Variants in MIA2 observed in about 807,000 individuals in gnomAD.
MIA2 encodes melanoma inhibitory activity protein 2.
In MIA2, 127 loss-of-function variants were observed where a neutral mutation model predicts 167.8. That is an observed-to-expected ratio of 0.76 (90% CI 0.66 to 0.88). The LOEUF is 0.88. Among genes scored for constraint, MIA2 ranks in the 40% least tolerant of loss-of-function variants. MIA2 has a pLI of 0.00. For synonymous variants in MIA2, 552 were observed against 541.9 expected, an observed-to-expected ratio of 1.02 and a Z score of -0.26; for missense variants, 1,690 against 1,624.7, an observed-to-expected ratio of 1.04 and a Z score of -0.69.
intron 6 of MIA2, among the ~76,000 whole-genome samples, chr14:39,269,263 CTA>C (rs1335347248): frequency 4.0e-5 from 6 of 151,768 alleles, no homozygotes; most frequent in African/African-American, 7.3e-5. Flanking sequence ...GTTAAATTCA[CTA>C]TGTTATGCAA....
chr14:39,318,104 G>T, intron 22 of MIA2, 93 bp downstream of exon 22: 1 of 864,680 alleles, frequency 1.2e-6, no homozygotes, highest in South Asian at 1.6e-5. Flanking sequence ...AAAACTTGCA[G>T]TGAATCCAGC....
At chr14:39,269,787 C>G (rs1463831512) in intron 6 of MIA2, among the ~76,000 whole-genome samples, 3 of 152,182 alleles carry the variant, frequency 2.0e-5, no homozygotes. Flanking sequence ...TCCAAAAATG[C>G]TGGGATTACA....
intron 6 of MIA2, among the ~76,000 whole-genome samples, chr14:39,263,840 G>T (rs915420574): frequency 6.6e-6 from 1 of 151,872 alleles, no homozygotes; most frequent in Non-Finnish European, 1.5e-5. Context: ...CACCATGTTG[G>T]CCAGGCTGGT....
intron 6 of MIA2, among the ~76,000 whole-genome samples, chr14:39,257,208 G>A (rs2054857463): frequency 6.6e-6 from 1 of 152,156 alleles, no homozygotes; most frequent in Admixed American, 6.5e-5. Flanking sequence ...CAGTATTATT[G>A]TGTGGGAGTC....
In MIA2 at chr14:39,235,712, A is replaced by T. The variant is rs564274055; in HGVS notation, c.116-1210A>T. Among the ~76,000 whole-genome samples the T allele has an allele frequency of 2.8e-4, 42 of 152,182 alleles. 1 individual carries two copies. In the South Asian group the frequency reaches 8.5e-3, roughly 31 times the overall value. ...AGGATGGCTTAAACTTGGGAGGTGG[A>T]GGCTGCAGTCAGCTATCATTATGCC... On this transcript the variant is annotated intron_variant, in intron 1 of 28. Transcript: ENST00000640607.
rs1206450414 is a variant in MIA2, at chr14:39,340,134, C to T, written c.3656-5770C>T. ...CTGGGATTACAGACGTGAGCCACCACGCCCTCCTTCGTACCCTTTTGAGCT... is the reference window on the plus strand; with the variant it reads ...CTGGGATTACAGACGTGAGCCACCATGCCCTCCTTCGTACCCTTTTGAGCT... On this transcript the variant is annotated intron_variant, in intron 25 of 28. Transcript: ENST00000640607. Among the ~76,000 whole-genome samples, 4 of 152,282 alleles carry T rather than the reference C, an allele frequency of 2.6e-5. No homozygotes were observed. The South Asian group carries it at 8.3e-4, about 32-fold the overall frequency.
intron 13 of MIA2, 89 bp from the exon 14 acceptor site, chr14:39,299,775 C>CT: frequency 7.2e-7 from 1 of 1,396,042 alleles, no homozygotes; most frequent in Non-Finnish European, 9.4e-7. Flanking sequence ...CCATGTTTTT[C>CT]TTTTTTAAGT....
intron 6 of MIA2, among the ~76,000 whole-genome samples, chr14:39,274,431 C>CT (rs547198743): frequency 0.015 from 2,019 of 136,894 alleles, 41 homozygotes; most frequent in African/African-American, 0.042. Context: ...TTCTTTTTTT[C>CT]TTTTTTTTTT....
intron 6 of MIA2, among the ~76,000 whole-genome samples, chr14:39,257,963 T>C (rs967612264): frequency 6.6e-6 from 1 of 152,260 alleles, no homozygotes; most frequent in African/African-American, 2.4e-5. Context: ...GCTGTTAGTC[T>C]GATGGGCTTC....
At chr14:39,347,274 A>G in intron 26 of MIA2, among the ~76,000 whole-genome samples, 1 of 152,170 alleles carries the variant, frequency 6.6e-6, no homozygotes, top group Non-Finnish European at 1.5e-5. Context: ...TCTTGATGAT[A>G]ACAAAGTTCG....
At chr14:39,358,939 G>T (rs1014850831) in intron 23 of MIA2, among the ~76,000 whole-genome samples, 8 of 152,156 alleles carry the variant, frequency 5.3e-5, no homozygotes, top group Admixed American at 3.9e-4. Flanking sequence ...GTACCTGGCC[G>T]TGTGAGGTGT....
At chr14:39,259,864 C>T (rs1027996960) in intron 6 of MIA2, among the ~76,000 whole-genome samples, 8 of 152,042 alleles carry the variant, frequency 5.3e-5, no homozygotes, top group African/African-American at 1.2e-4. Flanking sequence ...CCTATCCCCC[C>T]GCCAACATGA....
At chr14:39,259,915 G>A (rs974499771) in intron 6 of MIA2, among the ~76,000 whole-genome samples, 1 of 151,870 alleles carries the variant, frequency 6.6e-6, no homozygotes, top group Non-Finnish European at 1.5e-5. Context: ...GTGTCCAAGC[G>A]TTCTCATTGT....
At chr14:39,323,694 G>T (rs1253012272) in intron 24 of MIA2, among the ~76,000 whole-genome samples, 1 of 152,100 alleles carries the variant, frequency 6.6e-6, no homozygotes, top group Admixed American at 6.6e-5. Flanking sequence ...TGAAAAAACA[G>T]TGCCCTAGAA....
intron 4 of MIA2, among the ~76,000 whole-genome samples, chr14:39,250,885 C>G (rs994288004): frequency 6.6e-6 from 1 of 151,504 alleles, no homozygotes; most frequent in Non-Finnish European, 1.5e-5. Context: ...GAAAAAAAGA[C>G]GTCATTTATT....
At chr14:39,386,942 C>G (rs572785454) in exon 24 of MIA2, 233 of 776,980 alleles carry the variant, frequency 3.0e-4, no homozygotes, top group Non-Finnish European at 4.8e-4. Flanking sequence ...CTAGGAGGGC[C>G]CCAGAAATGA....
chr14:39,306,806 G>A (rs181047310), intron 17 of MIA2, among the ~76,000 whole-genome samples: 56 of 152,206 alleles, frequency 3.7e-4, no homozygotes, highest in African/African-American at 1.3e-3. Context: ...TCTTAGAGGA[G>A]TTGAGGTTAT....
intron 23 of MIA2, among the ~76,000 whole-genome samples, chr14:39,379,849 CA>C (rs917989771): frequency 2.0e-5 from 3 of 150,894 alleles, no homozygotes; most frequent in Non-Finnish European, 4.4e-5. Context: ...GACTATGTCT[CA>C]AAAAAAACCC....
chr14:39,323,486 G>C (rs2066880269), intron 24 of MIA2, among the ~76,000 whole-genome samples: 2 of 126,802 alleles, frequency 1.6e-5, no homozygotes, highest in African/African-American at 3.0e-5. Context: ...CTTACACTAA[G>C]AAATGTATTT....
Sources: gnomAD v4.1 joint callset for allele counts (sites outside exome capture counted in the v4.1 genomes callset) on GRCh38, gnomAD v4.1.1 for gene constraint, MANE v1.5 for transcripts, NCBI Gene and HGNC (gene_info 2026-07-23, HGNC 2026-07-21) for gene names.